Variants in ALK observed in about 807,000 individuals in gnomAD.
ALK encodes ALK receptor tyrosine kinase.
In ALK, 74 loss-of-function variants were observed where a neutral mutation model predicts 163.1. The observed-to-expected ratio is 0.45, with a 90% CI of 0.38 to 0.55. The LOEUF is 0.55. Ranked by LOEUF, ALK falls within the 20% of genes least tolerant of loss-of-function variation. The pLI is 0.00. For synonymous variants in ALK, 960 were observed against 843.2 expected, an observed-to-expected ratio of 1.14 and a Z score of -2.40; for missense variants, 2,063 against 2,105.3, an observed-to-expected ratio of 0.98 and a Z score of 0.39.
intron 3 of ALK, among the ~76,000 whole-genome samples, chr2:29,614,674 C>T (rs1675792018): frequency 6.6e-6 from 1 of 152,238 alleles, no homozygotes; most frequent in South Asian, 2.1e-4. Context: ...ATCCCCTACT[C>T]TTCATATCTG....
intron 2 of ALK, among the ~76,000 whole-genome samples, chr2:29,712,056 G>A (rs1679119677): frequency 6.6e-6 from 1 of 152,156 alleles, no homozygotes; most frequent in Non-Finnish European, 1.5e-5. Flanking sequence ...TTGTTTTAAA[G>A]AGATATGACC....
intron 3 of ALK, among the ~76,000 whole-genome samples, chr2:29,651,436 C>G (rs1460628336): frequency 2.6e-5 from 4 of 152,142 alleles, no homozygotes; most frequent in Non-Finnish European, 5.9e-5. Context: ...ATGTCTTCTG[C>G]GTAGCATCTT....
At chr2:29,569,707 C>T (rs114344819) in intron 3 of ALK, among the ~76,000 whole-genome samples, 1 of 152,316 alleles carries the variant, frequency 6.6e-6, no homozygotes, top group African/African-American at 2.4e-5. Context: ...GCTGATTCCA[C>T]CATCAACTGA....
At chr2:29,559,454 GAC>G (rs1673957974) in intron 3 of ALK, among the ~76,000 whole-genome samples, 1 of 152,130 alleles carries the variant, frequency 6.6e-6, no homozygotes, top group Non-Finnish European at 1.5e-5. Flanking sequence ...CCAGAATTAT[GAC>G]ACAGTTTTTA....
Position 29,220,841 on chromosome 2 carries a change from G to C in ALK, c.3516-6C>G. ...TGTTCTGGTGGTTGAATTTGCTGCA[G>C]AGCAGAGAGGGATGTAACCAAAATT... On this transcript the variant is annotated splice_region_variant and splice_polypyrimidine_tract_variant and intron_variant, in intron 22 of 28. Transcript: ENST00000389048. 3 of 1,614,062 alleles carry C rather than the reference G, an allele frequency of 1.9e-6. No individual in the cohort carries two copies. The highest frequency in any genetic ancestry group is 2.5e-6 in the Non-Finnish European group (3 of 1,179,916).
chr2:29,571,794 T>G (rs1277870992), intron 3 of ALK, among the ~76,000 whole-genome samples: 4 of 152,040 alleles, frequency 2.6e-5, no homozygotes, highest in Admixed American at 1.3e-4. Flanking sequence ...TTTTTGTATT[T>G]TTAGTAGAAA....
rs141829772 is a variant in ALK, at chr2:29,375,677, G to A, written c.1282+8055C>T. 1.5e-3 allele frequency among the ~76,000 whole-genome samples: 224 copies of A among 152,266 alleles called. 2 individuals carry two copies. The highest frequency in any genetic ancestry group is 5.1e-3 in the African/African-American group (210 of 41,546). ...AACCCAATCTATGTTCCAGTTATGA[G>A]GGAAATCTTTAATGATTTGAAGTGT... On this transcript the variant is annotated intron_variant, in intron 5 of 28. Coordinates refer to ENST00000389048, the MANE Select transcript of ALK (RefSeq NM_004304.5).
chr2:29,230,871 C>A (rs746239520), intron 15 of ALK, among the ~76,000 whole-genome samples: 1 of 152,066 alleles, frequency 6.6e-6, no homozygotes, highest in Non-Finnish European at 1.5e-5. Context: ...TGAGTAAGCG[C>A]GTAATAAATA....
chr2:29,800,363 C>A (rs530356695), intron 1 of ALK, among the ~76,000 whole-genome samples: 2 of 152,198 alleles, frequency 1.3e-5, no homozygotes, highest in Non-Finnish European at 2.9e-5. Context: ...CATTCCCAGC[C>A]GTTTCCTGAA....
At chr2:29,432,345 T>C (rs950658917) in intron 4 of ALK, among the ~76,000 whole-genome samples, 11 of 152,218 alleles carry the variant, frequency 7.2e-5, no homozygotes, top group Admixed American at 5.9e-4. Flanking sequence ...ATCTTCCCAT[T>C]GCTCTCTCCC....
At chr2:29,871,149 G>A (rs747493367) in intron 1 of ALK, among the ~76,000 whole-genome samples, 2 of 152,180 alleles carry the variant, frequency 1.3e-5, no homozygotes, top group Non-Finnish European at 2.9e-5. Context: ...GATGCCAAGC[G>A]TTAAGGGTTA....
chr2:29,798,182 T>G (rs1014103989), intron 1 of ALK, among the ~76,000 whole-genome samples: 1 of 152,202 alleles, frequency 6.6e-6, no homozygotes, highest in African/African-American at 2.4e-5. Context: ...CAAAAGGAAA[T>G]AACCATCACC....
chr2:29,906,925 T>C (rs1667564197), intron 1 of ALK, among the ~76,000 whole-genome samples: 1 of 145,064 alleles, frequency 6.9e-6, no homozygotes, highest in African/African-American at 2.5e-5. Context: ...GAAATATACA[T>C]ATACATTTAA....
At chr2:29,742,072 G>A (rs1021214083) in intron 1 of ALK, among the ~76,000 whole-genome samples, 1 of 152,224 alleles carries the variant, frequency 6.6e-6, no homozygotes, top group Admixed American at 6.5e-5. Context: ...TGGGAATGGG[G>A]GCCATTTCCA....
chr2:29,449,464 G>T (rs1670768636), intron 4 of ALK, among the ~76,000 whole-genome samples: 1 of 152,174 alleles, frequency 6.6e-6, no homozygotes, highest in African/African-American at 2.4e-5. Context: ...ATCACTAGGA[G>T]ACTTGCATGT....
chr2:29,853,876 GT>G (rs1295840434), intron 1 of ALK, among the ~76,000 whole-genome samples: 1 of 150,176 alleles, frequency 6.7e-6, no homozygotes, highest in Non-Finnish European at 1.5e-5. Context: ...GGGATTTACT[GT>G]TCCCTCTGAC....
chr2:29,374,227 G>A (rs1668701190), intron 5 of ALK, among the ~76,000 whole-genome samples: 2 of 152,132 alleles, frequency 1.3e-5, no homozygotes, highest in South Asian at 2.1e-4. Flanking sequence ...AGCTCTGCAC[G>A]CAACATCTGT....
intron 4 of ALK, among the ~76,000 whole-genome samples, chr2:29,469,212 G>T (rs184495807): frequency 1.3e-5 from 2 of 152,294 alleles, no homozygotes; most frequent in African/African-American, 4.8e-5. Flanking sequence ...ATAATGAAAA[G>T]ATGAGTTTCC....
chr2:29,738,451 T>C (rs941533443), intron 1 of ALK, among the ~76,000 whole-genome samples: 1 of 152,114 alleles, frequency 6.6e-6, no homozygotes, highest in Non-Finnish European at 1.5e-5. Flanking sequence ...GGGAAAATTC[T>C]GTAACTTATG....
Sources: allele counts gnomAD v4.1 joint callset (sites outside exome capture counted in the v4.1 genomes callset), GRCh38; gene constraint gnomAD v4.1.1; transcripts MANE v1.5; gene names NCBI Gene and HGNC (gene_info 2026-07-23, HGNC 2026-07-21).